Variants in PNPLA7 observed in about 807,000 individuals in gnomAD.
PNPLA7 encodes the protein patatin like domain 7, lysophospholipase, also known as patatin-like phospholipase domain-containing protein 7.
A neutral mutation model predicts 161.7 loss-of-function variants in PNPLA7; 153 were observed. The observed-to-expected ratio is 0.95, with a 90% confidence interval of 0.83 to 1.08. The LOEUF (loss-of-function observed/expected upper bound fraction) is 1.08, where lower values mean the gene tolerates loss of function less well. Ranked by LOEUF, PNPLA7 falls within the 50% of genes least tolerant of loss-of-function variation. PNPLA7 has a pLI of 0.00. For missense variants in PNPLA7, 1,739 were observed against 1,856.6 expected (o/e 0.94, Z 1.16); for synonymous variants, 809 against 782.1 (o/e 1.03, Z -0.57).
At position 137,476,247 on chromosome 9, in the gene PNPLA7, C is replaced by A. The variant is rs1286977457; in HGVS notation, c.2882+1787G>T. The stretch of plus-strand genomic sequence containing the variant: ...GTGTCTTCGGGTAAATTAAGGATAC[C>A]CAGAAAACTGAACAAATGTGACAAT... On this transcript the variant is annotated intron_variant, in intron 25 of 34. Transcript: ENST00000406427. The surrounding 1 kb of genome is among the most constrained non-coding windows in gnomAD (Gnocchi z 4.5). Among the ~76,000 whole-genome samples the A allele has an allele frequency of 1.3e-5, 2 of 151,864 alleles. No individual in the cohort carries two copies. Among genetic ancestry groups the A allele is most frequent in the Non-Finnish European group, 2.9e-5 (2 of 67,982 alleles).
At chr9:137,502,865 A>T (rs931604760) in intron 14 of PNPLA7, among the ~76,000 whole-genome samples, 1 of 151,518 alleles carries the variant, frequency 6.6e-6, no homozygotes, top group Non-Finnish European at 1.5e-5. Context: ...TGATAAGAGT[A>T]TTGTGGTTAG....
intron 14 of PNPLA7, among the ~76,000 whole-genome samples, chr9:137,502,908 C>T (rs553308148): frequency 6.6e-6 from 1 of 151,558 alleles, no homozygotes; most frequent in Admixed American, 6.6e-5. Flanking sequence ...CAGTGACGTG[C>T]TATGATGATG....
At chr9:137,480,603 G>T in intron 22 of PNPLA7, 123 bp from the exon 23 acceptor site, 3 of 1,114,658 alleles carry the variant, frequency 2.7e-6, no homozygotes, top group Non-Finnish European at 2.5e-6. Flanking sequence ...TCCCTGCCCA[G>T]CACTTCCTGC....
At chr9:137,532,069 G>A (rs572287001) in intron 8 of PNPLA7, among the ~76,000 whole-genome samples, 165 of 152,082 alleles carry the variant, frequency 1.1e-3, no homozygotes, top group Non-Finnish European at 1.8e-3. Context: ...GCAACATCAC[G>A]CTTTTTTGCG....
intron 9 of PNPLA7, among the ~76,000 whole-genome samples, chr9:137,522,126 G>A (rs879824882): frequency 2.6e-5 from 4 of 152,174 alleles, no homozygotes; most frequent in African/African-American, 4.8e-5. Flanking sequence ...CCAGGCTGGA[G>A]TGCAGTGGCA....
chr9:137,466,946 A>C lies in PNPLA7; in HGVS notation c.3039+371T>G, dbSNP rs537115039. On this transcript the variant is annotated intron_variant, in intron 26 of 34. Coordinates refer to ENST00000406427, the MANE Select transcript of PNPLA7 (RefSeq NM_001098537.3). ...CTCCCACCACCGTCTCCACCATCTC[A>C]GACCCGGGCACGGATCAGACCGCCT... Among the ~76,000 whole-genome samples the C allele has an allele frequency of 6.8e-5, 10 of 146,388 alleles. No individual in the cohort carries two copies. In the East Asian group the frequency reaches 2.0e-3, roughly 30 times the overall value.
rs35177111 is a variant in PNPLA7 at position 137,464,444 on chromosome 9, A to C, written c.3052T>G (p.Leu1018Val). The part of the protein sequence containing the change: ...AKQWAEGMTS[L>V]MKAALDLTYP... ...GTGAGGTCCAGCGCGGCCTTCATCA[A>C]GGACGTCATGCCCTGGGGCCACATG... is the stretch of plus-strand genomic sequence containing the variant. The change falls in exon 27 of 35, where the codon TTG becomes GTG. Residue 1018 changes from leucine (L) to valine (V), a missense_variant. Transcript: ENST00000406427. The C allele has an allele frequency of 1.2e-6, 2 of 1,613,678 alleles. No homozygotes were observed. Among genetic ancestry groups the C allele is most frequent in the African/African-American group, 2.7e-5 (2 of 74,870 alleles).
intron 4 of PNPLA7, among the ~76,000 whole-genome samples, chr9:137,544,238 T>C (rs1027324505): frequency 1.3e-5 from 2 of 152,144 alleles, no homozygotes; most frequent in African/African-American, 4.8e-5. Context: ...CTGTCCCATA[T>C]CTGGAACAGT....
Position 137,546,744 on chromosome 9 carries a change from G to T in PNPLA7, c.273+86C>A, listed in dbSNP as rs1010487768. 5.5e-6 allele frequency: 7 copies of T among 1,283,870 alleles called. No homozygotes were observed. In the East Asian group the frequency reaches 1.2e-4, roughly 21 times the overall value. The allele number at this position is 1,283,870 out of a possible 1,614,324, so 79.5% of individuals were successfully genotyped here. On this transcript the variant is annotated intron_variant, in intron 4 of 34. Transcript: ENST00000406427. ...GCACACACCAAGCACTGCCCAGCCT[G>T]GGGGAGCCCACAGCAGAAGGGGTCC...
Position 137,460,171 on chromosome 9 carries a change from G to C in PNPLA7, c.*222C>G. On this transcript the variant is annotated 3_prime_UTR_variant, in exon 35 of 35. Transcript: ENST00000406427. ...CACAGAGCTTCAGGGGCCTCACAGA[G>C]CTTCAGGGGCCTCACAGGACTGCAG... The C allele has an allele frequency of 2.0e-6, 1 of 488,992 alleles. No individual in the cohort carries two copies. The highest frequency in any genetic ancestry group is 3.5e-5 in the East Asian group (1 of 28,550). 30.3% of individuals were successfully genotyped at this position (488,992 alleles called of 1,614,324 possible). A position where few individuals can be genotyped will look rare whatever the true frequency, so the allele number is the denominator to read the frequency against.
chr9:137,497,259 GC>G lies in PNPLA7; in HGVS notation c.1940del (p.Arg647ProfsTer3). 1 of 1,590,182 alleles carries G rather than the reference GC, an allele frequency of 6.3e-7. No individual in the cohort carries two copies. The highest frequency in any genetic ancestry group is 8.6e-7 in the Non-Finnish European group (1 of 1,169,162). On this transcript the variant is annotated frameshift_variant, in exon 18 of 35. Coordinates refer to ENST00000406427, the MANE Select transcript of PNPLA7 (RefSeq NM_001098537.3). LOFTEE classifies it high-confidence loss of function. ...TCCCATCATCCTTCCGGATCACAGAGCGCAGCCGGCCGCTGAGCATGATGTA... is the reference window on the plus strand; with the variant it reads ...TCCCATCATCCTTCCGGATCACAGAGGCAGCCGGCCGCTGAGCATGATGTA... ...CTYIMLSGRL[R>X]SVIRKDDGKK...
intron 19 of PNPLA7, among the ~76,000 whole-genome samples, 200 bp downstream of exon 19, chr9:137,494,833 C>T (rs1381951728): frequency 6.7e-6 from 1 of 150,174 alleles, no homozygotes; most frequent in Non-Finnish European, 1.5e-5. Flanking sequence ...GTGACCTCAT[C>T]CACTCTGCAC....
Position 137,500,651 on chromosome 9 carries a change from G to GT in PNPLA7, c.1757+39_1757+40insA, listed in dbSNP as rs1564317207. On this transcript the variant is annotated intron_variant, in intron 16 of 34. Coordinates refer to ENST00000406427, the MANE Select transcript of PNPLA7 (RefSeq NM_001098537.3). The surrounding 1 kb of genome is among the most constrained non-coding windows in gnomAD (Gnocchi z 5.5). ...CGGGGAGGGGTCTCAGGGCAGGGGG[G>GT]GCTGGGGCCCGCCCTGAGGTCCTGG... 6.3e-7 allele frequency: 1 copy of GT among 1,592,202 alleles called. No homozygotes were observed. The highest frequency in any genetic ancestry group is 2.3e-5 in the East Asian group (1 of 44,400).
In PNPLA7 at chr9:137,480,426, C is replaced by G. The variant is rs1454393734; in HGVS notation, c.2466G>C (p.Arg822Ser). Reference protein sequence around the residue: ...SWLGQQEDTHRIVLYQADGTL... With the variant: ...SWLGQQEDTHSIVLYQADGTL... ...TGCCATCTGCCTGGTAGAGCACGAT[C>G]CTGTGGGTGTCCTCCTGCTGCCCCA... Residue 822 changes from arginine to serine, a missense_variant, in exon 23 of 35, where the codon AGG becomes AGC. Physicochemically the swap from Arg to Ser is moderately radical, Grantham distance 110 (BLOSUM62 -1). This residue lies in a region of PNPLA7 where 192 missense variants were observed against 249.5 expected (regional missense o/e 0.77). Transcript: ENST00000406427. 2.0e-5 allele frequency: 33 copies of G among 1,613,114 alleles called. 1 individual carries two copies. In the East Asian group the frequency reaches 7.4e-4, roughly 36 times the overall value.
intron 21 of PNPLA7, among the ~76,000 whole-genome samples, chr9:137,484,381 G>A (rs190957446): frequency 1.2e-4 from 19 of 152,290 alleles, no homozygotes; most frequent in Admixed American, 1.0e-3. Flanking sequence ...TTAGAATTTT[G>A]AGAGTTCTCA....
At chr9:137,522,693 C>T in intron 9 of PNPLA7, 36 bp downstream of exon 9, 1 of 1,610,588 alleles carries the variant, frequency 6.2e-7, no homozygotes, top group Non-Finnish European at 8.5e-7. Context: ...GGGTGACCCA[C>T]AGCAGCTAGA....
chr9:137,481,114 G>GAGCCAGGCACCGACGCCC, intron 21 of PNPLA7, 91 bp from the exon 22 acceptor site: 2 of 1,395,736 alleles, frequency 1.4e-6, no homozygotes, highest in Non-Finnish European at 2.0e-6. Flanking sequence ...TACCGACGCC[G>GAGCCAGGCACCGACGCCC]AGCCAGGCAC....
In PNPLA7 at chr9:137,483,614, G is replaced by A. The variant is rs896690003; in HGVS notation, c.2347+973C>T. Among the ~76,000 whole-genome samples, 9 of 151,978 alleles carry A rather than the reference G, an allele frequency of 5.9e-5. No homozygotes were observed. In the East Asian group the frequency reaches 1.6e-3, roughly 26 times the overall value. On this transcript the variant is annotated intron_variant, in intron 21 of 34. Coordinates refer to ENST00000406427, the MANE Select transcript of PNPLA7 (RefSeq NM_001098537.3). ...GGATTACAGGCATTTCCACCACCAC[G>A]CCCAGCTAATTTTTGTATTTTTAGT...
chr9:137,530,246 T>G (rs60326138), intron 8 of PNPLA7, among the ~76,000 whole-genome samples: 3,266 of 152,356 alleles, frequency 0.021, 127 homozygotes, highest in African/African-American at 0.074. Flanking sequence ...ATTACAGGCG[T>G]GAGCCACCGC....
Sources: gnomAD v4.1 joint callset for allele counts (sites outside exome capture counted in the v4.1 genomes callset) on GRCh38, gnomAD v4.1.1 for gene constraint, gnomAD v4.1.1 regional missense constraint, Gnocchi (gnomAD v3.1) non-coding constraint, MANE v1.5 for transcripts, NCBI Gene and HGNC (gene_info 2026-07-23, HGNC 2026-07-21) for gene names.